SPATA13: variants seen among roughly 807,000 people sequenced by gnomAD.
SPATA13 encodes spermatogenesis-associated protein 13.
Under a neutral mutation model 104.0 loss-of-function variants are expected in SPATA13, and 50 were observed. That is an observed-to-expected ratio of 0.48 (90% CI 0.38 to 0.61). The LOEUF (loss-of-function observed/expected upper bound fraction) is 0.61. Ranked by LOEUF, SPATA13 falls within the 20% of genes least tolerant of loss-of-function variation. The probability of loss-of-function intolerance (pLI) is 0.00; values close to 1 mark genes in which losing one functional copy is unlikely to be tolerated. For missense variants in SPATA13, 1,524 were observed against 1,690.6 expected (o/e 0.90, Z 1.73); for synonymous variants, 606 against 667.5 (o/e 0.91, Z 1.42).
rs1001090536 is a variant in SPATA13, at chr13:24,224,022, G to A, written c.1093G>A (p.Val365Ile). 3.9e-6 allele frequency: 6 copies of A among 1,548,910 alleles called. No homozygotes were observed. In the African/African-American group the frequency reaches 4.1e-5, roughly 11 times the overall value. ...GCTGCATGACGACTACTCCCGCCGC[G>A]TCTCCAGGAGCACTGAGCAGGACAG... is the stretch of plus-strand genomic sequence containing the variant. ...SRLHDDYSRRVSRSTEQDSRR... is the reference protein window; with the variant it reads ...SRLHDDYSRRISRSTEQDSRR... The change falls in exon 2 of 13, where the codon GTC (valine) becomes ATC (isoleucine). Residue 365 changes from valine to isoleucine, a missense_variant. Transcript: ENST00000382108.
At chr13:24,157,147 G>T, upstream of SPATA13, among the ~76,000 whole-genome samples, 1 of 152,264 alleles carries the variant, frequency 6.6e-6, no homozygotes, top group African/African-American at 2.4e-5. Flanking sequence ...GACACTGACC[G>T]CAGATTTCTC....
chr13:24,103,687 A>G (rs759439764), intron 3 of SPATA13, among the ~76,000 whole-genome samples: 13 of 152,144 alleles, frequency 8.5e-5, no homozygotes, highest in African/African-American at 1.2e-4. Context: ...GTATTTCTAT[A>G]TATTGTAACT....
intron 3 of SPATA13, among the ~76,000 whole-genome samples, chr13:24,117,370 A>G (rs766537119): frequency 7.2e-5 from 11 of 152,142 alleles, no homozygotes; most frequent in African/African-American, 2.7e-4. Flanking sequence ...TAACCTAGTT[A>G]TCCTTGTCTT....
intron 1 of SPATA13, among the ~76,000 whole-genome samples, chr13:24,201,033 A>T (rs1593411532): frequency 4.6e-4 from 1 of 2,168 alleles, no homozygotes; most frequent in African/African-American, 5.4e-4. Context: ...CTAGTCAGTC[A>T]CACACACACA....
At chr13:24,251,358 G>A (rs1330668171) in intron 3 of SPATA13, 1 of 651,180 alleles carries the variant, frequency 1.5e-6, no homozygotes, top group Admixed American at 6.3e-5. Context: ...GCCACCCCTG[G>A]GAAAGCATCT....
At chr13:24,274,572 G>A (rs979900439) in intron 4 of SPATA13, among the ~76,000 whole-genome samples, 1 of 152,190 alleles carries the variant, frequency 6.6e-6, no homozygotes, top group Non-Finnish European at 1.5e-5. Context: ...GAGCTCTTGG[G>A]GTTCACCCAT....
intron 3 of SPATA13, among the ~76,000 whole-genome samples, chr13:24,126,658 G>A (rs899264781): frequency 2.0e-5 from 3 of 152,162 alleles, no homozygotes; most frequent in Admixed American, 6.5e-5. Flanking sequence ...CTGGGCTCAA[G>A]GGATCATCCC....
chr13:24,042,085 C>A (rs1157411437), intron 3 of SPATA13, among the ~76,000 whole-genome samples: 1 of 152,030 alleles, frequency 6.6e-6, no homozygotes, highest in African/African-American at 2.4e-5. Flanking sequence ...ACTCTAGGGG[C>A]AGCGCAAGCT....
intron 3 of SPATA13, among the ~76,000 whole-genome samples, chr13:24,133,257 G>C (rs1881445462): frequency 6.6e-6 from 1 of 152,206 alleles, no homozygotes; most frequent in Non-Finnish European, 1.5e-5. Context: ...TGAAGGGAAA[G>C]AGAAATGTGA....
At chr13:24,040,137 G>A (rs1877861974) in intron 3 of SPATA13, among the ~76,000 whole-genome samples, 2 of 152,236 alleles carry the variant, frequency 1.3e-5, no homozygotes, top group Non-Finnish European at 2.9e-5. Flanking sequence ...AACACAGACA[G>A]GCTTGAGATG....
intron 3 of SPATA13, among the ~76,000 whole-genome samples, chr13:24,098,487 CT>C (rs1442097332): frequency 2.0e-5 from 3 of 151,834 alleles, no homozygotes; most frequent in African/African-American, 7.3e-5. Context: ...GTCCCAGCTA[CT>C]TGGGAGGCTA....
intron 7 of SPATA13, among the ~76,000 whole-genome samples, chr13:24,288,272 A>AAC (rs1222549161): frequency 1.3e-5 from 2 of 152,162 alleles, no homozygotes; most frequent in African/African-American, 4.8e-5. Context: ...TCTGCCCCAG[A>AAC]ACCTATCCTT....
intron 1 of SPATA13, among the ~76,000 whole-genome samples, chr13:24,218,678 T>A (rs1040737578): frequency 5.3e-5 from 8 of 152,036 alleles, no homozygotes; most frequent in Admixed American, 1.3e-4. Context: ...CCAACACAAA[T>A]TCGTAAACTT....
chr13:24,072,880 T>C (rs1879216483), intron 3 of SPATA13, among the ~76,000 whole-genome samples: 1 of 148,804 alleles, frequency 6.7e-6, no homozygotes, highest in Non-Finnish European at 1.5e-5. Context: ...GAATCCTTGG[T>C]CATCTCATCC....
At chr13:24,053,139 A>T (rs1878421028) in intron 3 of SPATA13, among the ~76,000 whole-genome samples, 1 of 152,018 alleles carries the variant, frequency 6.6e-6, no homozygotes, top group Non-Finnish European at 1.5e-5. Flanking sequence ...CTTGTTTTAG[A>T]TATAAAGCAT....
At chr13:24,183,064 T>C (rs1268707914) in intron 1 of SPATA13, among the ~76,000 whole-genome samples, 4 of 152,194 alleles carry the variant, frequency 2.6e-5, no homozygotes, top group African/African-American at 7.2e-5. Context: ...AGAAAAGATA[T>C]AGAGAGATTG....
intron 3 of SPATA13, chr13:24,017,831 T>G: frequency 5.5e-6 from 2 of 361,132 alleles, no homozygotes; most frequent in Non-Finnish European, 7.7e-6. Flanking sequence ...TGTAACATAC[T>G]GTTAAAATCA....
At chr13:24,042,954 G>A (rs73162202) in intron 3 of SPATA13, among the ~76,000 whole-genome samples, 18,652 of 152,190 alleles carry the variant, frequency 0.12, 1,229 homozygotes, top group Non-Finnish European at 0.14. Flanking sequence ...AAATACCTCC[G>A]TAAATATATC....
chr13:24,005,650 T>C (rs1251398152), intron 2 of SPATA13, among the ~76,000 whole-genome samples: 1 of 152,074 alleles, frequency 6.6e-6, no homozygotes, highest in African/African-American at 2.4e-5. Context: ...TTCATAAAAG[T>C]GTCTTTCAAA....
Sources: allele counts gnomAD v4.1 joint callset (sites outside exome capture counted in the v4.1 genomes callset), GRCh38; gene constraint gnomAD v4.1.1; transcripts MANE v1.5; gene names NCBI Gene and HGNC (gene_info 2026-07-23, HGNC 2026-07-21).